The following CCDC102B variants were observed in gnomAD, a reference collection of about 807,000 sequenced individuals.
CCDC102B encodes the protein coiled-coil domain containing 102B.
Under a neutral mutation model 57.4 loss-of-function variants are expected in CCDC102B, and 75 were observed. The observed-to-expected ratio is 1.31, with a 90% CI of 1.08 to 1.58. The LOEUF (loss-of-function observed/expected upper bound fraction) is 1.58, where lower values mean the gene tolerates loss of function less well. Ranked by LOEUF, CCDC102B falls within the 40% of genes most tolerant of loss-of-function variation. CCDC102B has a pLI of 0.00. For missense variants in CCDC102B, 636 were observed against 582.6 expected, an observed-to-expected ratio of 1.09 and a Z score of -0.94; for synonymous variants, 206 against 201.9, an observed-to-expected ratio of 1.02 and a Z score of -0.17.
intron 6 of CCDC102B, among the ~76,000 whole-genome samples, chr18:68,991,058 A>G (rs1163007659): frequency 6.7e-6 from 1 of 149,650 alleles, no homozygotes; most frequent in Non-Finnish European, 1.5e-5. Flanking sequence ...ATGAACATTA[A>G]TAGGGTTTTA....
chr18:68,903,560 G>T (rs1335875634), intron 6 of CCDC102B, among the ~76,000 whole-genome samples: 2 of 152,142 alleles, frequency 1.3e-5, no homozygotes, highest in Non-Finnish European at 2.9e-5. Context: ...TGTAAATACT[G>T]ATTTGCTTTG....
chr18:68,749,856 G>A (rs2033777582), intron 2 of CCDC102B, among the ~76,000 whole-genome samples: 1 of 152,116 alleles, frequency 6.6e-6, no homozygotes, highest in African/African-American at 2.4e-5. Context: ...ATACCATTCA[G>A]GACATAGGCA....
At chr18:69,021,347 G>A (rs979539686) in intron 7 of CCDC102B, among the ~76,000 whole-genome samples, 1 of 152,178 alleles carries the variant, frequency 6.6e-6, no homozygotes, top group Admixed American at 6.5e-5. Context: ...TGTAGTAAGT[G>A]TTTTAGGTAA....
intron 7 of CCDC102B, among the ~76,000 whole-genome samples, chr18:69,051,039 C>T (rs946202959): frequency 6.6e-6 from 1 of 152,014 alleles, no homozygotes; most frequent in African/African-American, 2.4e-5. Context: ...CACGTGCCAC[C>T]AGGCCTGGCT....
chr18:68,946,221 A>G (rs1351939200), intron 6 of CCDC102B, among the ~76,000 whole-genome samples: 5 of 152,048 alleles, frequency 3.3e-5, no homozygotes, highest in Admixed American at 1.3e-4. Flanking sequence ...ATTATCTCCC[A>G]TGTACATAAG....
intron 7 of CCDC102B, among the ~76,000 whole-genome samples, chr18:69,030,525 A>AT (rs2145441883): frequency 6.6e-6 from 1 of 152,308 alleles, no homozygotes; most frequent in Non-Finnish European, 1.5e-5. Context: ...TTTTAGAAAC[A>AT]TTTTTTGAAA....
At chr18:68,831,185 C>T (rs566900709) in intron 1 of CCDC102B, among the ~76,000 whole-genome samples, 1 of 152,120 alleles carries the variant, frequency 6.6e-6, no homozygotes, top group South Asian at 2.1e-4. Context: ...AATCATTGAA[C>T]ATTATCTTAG....
chr18:69,051,136 A>T (rs1373134267), intron 7 of CCDC102B, among the ~76,000 whole-genome samples: 2 of 152,174 alleles, frequency 1.3e-5, no homozygotes, highest in Non-Finnish European at 2.9e-5. Context: ...CCTCTGCCTC[A>T]GCCTCCCAAA....
chr18:68,840,350 A>G (rs901890938), intron 3 of CCDC102B, among the ~76,000 whole-genome samples: 1 of 152,140 alleles, frequency 6.6e-6, no homozygotes, highest in Admixed American at 6.6e-5. Context: ...TCACAAATAC[A>G]GTAAGTTCTT....
intron 2 of CCDC102B, among the ~76,000 whole-genome samples, chr18:68,781,722 A>T (rs1218660595): frequency 6.6e-6 from 1 of 152,192 alleles, no homozygotes; most frequent in East Asian, 1.9e-4. Context: ...AAAATTGTCT[A>T]GAGCTTATCT....
At chr18:68,722,711 T>G (rs372612252) in intron 2 of CCDC102B, among the ~76,000 whole-genome samples, 1 of 152,042 alleles carries the variant, frequency 6.6e-6, no homozygotes, top group African/African-American at 2.4e-5. Flanking sequence ...TTTGATGAAA[T>G]TTTTCAGGAA....
intron 2 of CCDC102B, among the ~76,000 whole-genome samples, chr18:68,748,962 A>G (rs183779166): frequency 3.6e-4 from 55 of 152,320 alleles, no homozygotes; most frequent in Middle Eastern, 3.4e-3. Flanking sequence ...GTAAGGTGTA[A>G]GGAAGGGATC....
At chr18:68,878,869 C>T (rs972480473) in intron 5 of CCDC102B, among the ~76,000 whole-genome samples, 1 of 152,184 alleles carries the variant, frequency 6.6e-6, no homozygotes, top group African/African-American at 2.4e-5. Flanking sequence ...GGTTCTTGGT[C>T]TCACTGACTT....
At chr18:68,729,291 C>T (rs1299548006) in intron 2 of CCDC102B, among the ~76,000 whole-genome samples, 1 of 152,080 alleles carries the variant, frequency 6.6e-6, no homozygotes, top group Admixed American at 6.5e-5. Flanking sequence ...TCTATCGATT[C>T]AATGAAATTT....
chr18:68,883,684 G>C (rs2039774255), intron 5 of CCDC102B, among the ~76,000 whole-genome samples: 1 of 152,086 alleles, frequency 6.6e-6, no homozygotes, highest in African/African-American at 2.4e-5. Flanking sequence ...GTCAACAGGG[G>C]GATTTAATGA....
At chr18:68,835,416 A>C (rs1344247474) in intron 1 of CCDC102B, among the ~76,000 whole-genome samples, 1 of 152,128 alleles carries the variant, frequency 6.6e-6, no homozygotes, top group African/African-American at 2.4e-5. Flanking sequence ...GAACAAATGC[A>C]CATATTTGTT....
intron 7 of CCDC102B, among the ~76,000 whole-genome samples, chr18:69,041,736 C>T (rs1805027497): frequency 6.6e-6 from 1 of 151,936 alleles, no homozygotes; most frequent in Non-Finnish European, 1.5e-5. Flanking sequence ...GATTCATTGA[C>T]CTTTTGCATA....
intron 1 of CCDC102B, among the ~76,000 whole-genome samples, chr18:68,810,771 A>G (rs1340908732): frequency 7.2e-6 from 1 of 139,146 alleles, no homozygotes; most frequent in African/African-American, 2.7e-5. Flanking sequence ...TACACGTGCC[A>G]TGGTGGTTTG....
chr18:68,809,161 A>G (rs776466275), intron 1 of CCDC102B, among the ~76,000 whole-genome samples: 7 of 152,204 alleles, frequency 4.6e-5, no homozygotes, highest in Non-Finnish European at 8.8e-5. Flanking sequence ...TGGAGCATTC[A>G]TAAACGTAAT....
Sources: allele counts gnomAD v4.1 joint callset (sites outside exome capture counted in the v4.1 genomes callset), GRCh38; gene constraint gnomAD v4.1.1; transcripts MANE v1.5; gene names NCBI Gene and HGNC (gene_info 2026-07-23, HGNC 2026-07-21).